Variants in NEGR1 observed in about 807,000 individuals in gnomAD.
NEGR1 encodes the protein IgLON family member 4.
Under a neutral mutation model 40.9 loss-of-function variants are expected in NEGR1, and 10 were observed. That is an observed-to-expected ratio of 0.24 (90% CI 0.15 to 0.42). The LOEUF (loss-of-function observed/expected upper bound fraction) is 0.42, where lower values mean the gene tolerates loss of function less well. Among genes scored for constraint, NEGR1 ranks in the 10% least tolerant of loss-of-function variants. The probability of loss-of-function intolerance (pLI) is 1.00; values close to 1 mark genes in which losing one functional copy is unlikely to be tolerated. For synonymous variants in NEGR1, 185 were observed against 166.8 expected, an observed-to-expected ratio of 1.11 and a Z score of -0.84; for missense variants, 352 against 438.9, an observed-to-expected ratio of 0.80 and a Z score of 1.77.
intron 3 of NEGR1, among the ~76,000 whole-genome samples, chr1:71,708,076 C>T (rs1431660405): frequency 6.6e-6 from 1 of 151,702 alleles, no homozygotes; most frequent in Non-Finnish European, 1.5e-5. Flanking sequence ...AAATATAATA[C>T]CTAACTTTTT....
At chr1:71,748,176 T>C (rs1380872876) in intron 3 of NEGR1, among the ~76,000 whole-genome samples, 1 of 152,148 alleles carries the variant, frequency 6.6e-6, no homozygotes, top group Non-Finnish European at 1.5e-5. Flanking sequence ...AGAAAATAAT[T>C]ATTTTGACAC....
At chr1:71,870,160 G>A (rs138633516) in intron 2 of NEGR1, among the ~76,000 whole-genome samples, 5,346 of 152,140 alleles carry the variant, frequency 0.035, 307 homozygotes, top group African/African-American at 0.12. Flanking sequence ...GATTACAGGC[G>A]TGAGCCACCA....
rs1645894186 is a variant in NEGR1 at position 71,935,267 on chromosome 1, C to T, written c.221G>A (p.Arg74Gln). 1.9e-6 allele frequency: 3 copies of T among 1,613,882 alleles called. No individual in the cohort carries two copies. Among genetic ancestry groups the T allele is most frequent in the Non-Finnish European group, 2.5e-6 (3 of 1,179,900 alleles). ...ACCTCCCGCAAAAATAATACTTGAC[C>T]GGTTCAGCCAGGCACCCTTTGAAGC... ...DGASKGAWLN[R>Q]SSIIFAGGDK... The change falls in exon 2 of 7, where the codon CGG (arginine) becomes CAG (glutamine). Residue 74 changes from arginine to glutamine, a missense_variant. This residue lies in a region of NEGR1 where 30 missense variants were observed against 64.4 expected (regional missense o/e 0.47). Transcript: ENST00000357731.
At chr1:72,160,414 C>T (rs1651509162) in intron 1 of NEGR1, among the ~76,000 whole-genome samples, 2 of 152,052 alleles carry the variant, frequency 1.3e-5, no homozygotes, top group South Asian at 4.1e-4. Context: ...ATACAATATG[C>T]AACTATTAGA....
At chr1:71,704,224 A>G (rs558713864) in intron 3 of NEGR1, among the ~76,000 whole-genome samples, 128 of 151,378 alleles carry the variant, frequency 8.5e-4, no homozygotes, top group Middle Eastern at 6.8e-3. Flanking sequence ...TCAATTTTGT[A>G]ACCTTTACCT....
intron 1 of NEGR1, among the ~76,000 whole-genome samples, chr1:72,260,592 G>A (rs1655422143): frequency 6.6e-6 from 1 of 151,992 alleles, no homozygotes; most frequent in Non-Finnish European, 1.5e-5. Context: ...CTCTAGAGAT[G>A]ACACTACACA....
chr1:71,579,652 A>C (rs1649070538), intron 6 of NEGR1, among the ~76,000 whole-genome samples: 1 of 144,178 alleles, frequency 6.9e-6, no homozygotes, highest in African/African-American at 2.6e-5. Flanking sequence ...AAGGGAACTG[A>C]TTCCACCTAT....
chr1:72,111,834 GTCCAATT>G (rs1649382716), intron 1 of NEGR1, among the ~76,000 whole-genome samples: 1 of 151,772 alleles, frequency 6.6e-6, no homozygotes, highest in African/African-American at 2.4e-5. Flanking sequence ...AAAGATGATT[GTCCAATT>G]TCCTGAAATA....
At chr1:71,763,340 T>C (rs1211953687) in intron 3 of NEGR1, among the ~76,000 whole-genome samples, 1 of 152,126 alleles carries the variant, frequency 6.6e-6, no homozygotes. Flanking sequence ...TTGTCTTTGG[T>C]CTCAAGGGAC....
intron 2 of NEGR1, among the ~76,000 whole-genome samples, chr1:71,882,235 A>G (rs1660602150): frequency 6.6e-6 from 1 of 152,126 alleles, no homozygotes; most frequent in Non-Finnish European, 1.5e-5. Context: ...GCTCCATTCC[A>G]TTTAATTCAG....
chr1:71,747,353 CAT>C (rs1655420447), intron 3 of NEGR1, among the ~76,000 whole-genome samples: 1 of 151,792 alleles, frequency 6.6e-6, no homozygotes, highest in Non-Finnish European at 1.5e-5. Context: ...AATATTAAAA[CAT>C]AAAAATAAAT....
At chr1:72,058,953 G>C (rs1199276823) in intron 1 of NEGR1, among the ~76,000 whole-genome samples, 2 of 151,688 alleles carry the variant, frequency 1.3e-5, no homozygotes, top group East Asian at 3.9e-4. Flanking sequence ...CTATTGTGGG[G>C]ATTGTAAACA....
chr1:72,148,840 C>T (rs1570042498), intron 1 of NEGR1, among the ~76,000 whole-genome samples: 2 of 152,170 alleles, frequency 1.3e-5, no homozygotes, highest in East Asian at 1.9e-4. Context: ...TTGTTTATAT[C>T]GCCTTCAGCA....
chr1:72,243,203 A>C (rs1214058860), intron 1 of NEGR1, among the ~76,000 whole-genome samples: 1 of 151,650 alleles, frequency 6.6e-6, no homozygotes, highest in Non-Finnish European at 1.5e-5. Flanking sequence ...GTACACCATG[A>C]AGGTACACTT....
intron 1 of NEGR1, among the ~76,000 whole-genome samples, chr1:72,244,752 T>C (rs551965743): frequency 1.1e-4 from 17 of 152,156 alleles, no homozygotes; most frequent in African/African-American, 4.1e-4. Context: ...AACATTATTC[T>C]ATATGTCTTT....
At chr1:71,653,443 T>G (rs1557601069) in intron 4 of NEGR1, among the ~76,000 whole-genome samples, 1 of 152,230 alleles carries the variant, frequency 6.6e-6, no homozygotes, top group Non-Finnish European at 1.5e-5. Context: ...ACTCTGTGTA[T>G]GAAATGGGAG....
At chr1:71,643,131 G>A (rs544087827) in intron 4 of NEGR1, among the ~76,000 whole-genome samples, 4 of 152,100 alleles carry the variant, frequency 2.6e-5, no homozygotes, top group Non-Finnish European at 5.9e-5. Context: ...TGTCCTCAGT[G>A]TGATATAAAA....
chr1:72,050,932 G>A (rs1328888243), intron 1 of NEGR1, among the ~76,000 whole-genome samples: 1 of 151,466 alleles, frequency 6.6e-6, no homozygotes, highest in Non-Finnish European at 1.5e-5. Context: ...AAATAGGTAA[G>A]CCATCTTGGA....
At chr1:71,840,740 G>A (rs1659207873) in intron 2 of NEGR1, among the ~76,000 whole-genome samples, 1 of 152,126 alleles carries the variant, frequency 6.6e-6, no homozygotes, top group African/African-American at 2.4e-5. Flanking sequence ...AGGTTGACTG[G>A]ACCGTGGTAC....
Sources: gnomAD v4.1 joint callset for allele counts (sites outside exome capture counted in the v4.1 genomes callset) on GRCh38, gnomAD v4.1.1 for gene constraint, gnomAD v4.1.1 regional missense constraint, MANE v1.5 for transcripts, NCBI Gene and HGNC (gene_info 2026-07-23, HGNC 2026-07-21) for gene names.